Variants in RAP1GAP2 observed in about 807,000 individuals in gnomAD.
RAP1GAP2 encodes the protein RAP1 GTPase activating protein 2.
RAP1GAP2 carries 27 observed loss-of-function variants against 95.0 expected under a neutral mutation model. The ratio of observed to expected loss-of-function variants is 0.28; its 90% CI spans 0.21 to 0.39. RAP1GAP2 has a LOEUF of 0.39. Ranked by LOEUF, RAP1GAP2 falls within the 10% of genes least tolerant of loss-of-function variation. The pLI is 1.00. For synonymous variants in RAP1GAP2, 373 were observed against 380.9 expected, an observed-to-expected ratio of 0.98 and a Z score of 0.24; for missense variants, 771 against 970.0, an observed-to-expected ratio of 0.79 and a Z score of 2.72.
intron 2 of RAP1GAP2, among the ~76,000 whole-genome samples, chr17:2,884,635 A>C (rs759266511): frequency 6.6e-6 from 1 of 151,972 alleles, no homozygotes; most frequent in Non-Finnish European, 1.5e-5. Context: ...CGGCCTCCCA[A>C]AATCCTGGGA....
chr17:2,917,928 C>T (rs2042622672), intron 3 of RAP1GAP2, among the ~76,000 whole-genome samples: 1 of 152,000 alleles, frequency 6.6e-6, no homozygotes, highest in Admixed American at 6.6e-5. Context: ...GTTGGCCAGG[C>T]TGGTGTCAAA....
chr17:2,894,018 G>A (rs2151703708), intron 2 of RAP1GAP2, among the ~76,000 whole-genome samples: 1 of 152,338 alleles, frequency 6.6e-6, no homozygotes, highest in South Asian at 2.1e-4. Flanking sequence ...GCTCATGTCT[G>A]TGATCCCAGC....
chr17:2,755,689 G>C (rs1256722703), upstream of RAP1GAP2: 1 of 304,114 alleles, frequency 3.3e-6, no homozygotes, highest in Non-Finnish European at 6.0e-6. Context: ...CGTGCGGCCC[G>C]CGGAGGGCAG....
At chr17:2,788,668 A>G (rs2068848477) in intron 1 of RAP1GAP2, among the ~76,000 whole-genome samples, 1 of 152,158 alleles carries the variant, frequency 6.6e-6, no homozygotes, top group South Asian at 2.1e-4. Flanking sequence ...TTAGCTGGGG[A>G]TCCAGGAAAG....
At chr17:2,911,577 C>T (rs2042383669) in intron 3 of RAP1GAP2, among the ~76,000 whole-genome samples, 1 of 151,872 alleles carries the variant, frequency 6.6e-6, no homozygotes. Flanking sequence ...CTGCCGTCTA[C>T]AGGGGCCCTG....
At chr17:2,930,854 T>C (rs2043120541) in intron 3 of RAP1GAP2, among the ~76,000 whole-genome samples, 1 of 152,162 alleles carries the variant, frequency 6.6e-6, no homozygotes, top group African/African-American at 2.4e-5. Context: ...CTGGGCGTGG[T>C]GGCTCACGCC....
At chr17:2,875,107 C>T (rs2073035400) in intron 2 of RAP1GAP2, among the ~76,000 whole-genome samples, 1 of 152,176 alleles carries the variant, frequency 6.6e-6, no homozygotes, top group African/African-American at 2.4e-5. Context: ...GCTCTTGACG[C>T]CCAGGCTAGA....
chr17:2,858,139 T>A (rs2072224760), intron 2 of RAP1GAP2, among the ~76,000 whole-genome samples: 1 of 152,198 alleles, frequency 6.6e-6, no homozygotes, highest in Middle Eastern at 3.2e-3. Flanking sequence ...ATAAAGTCAC[T>A]GTGGCCTTGG....
intron 8 of RAP1GAP2, among the ~76,000 whole-genome samples, chr17:2,977,892 A>C (rs1335662786): frequency 6.6e-6 from 1 of 152,188 alleles, no homozygotes; most frequent in Non-Finnish European, 1.5e-5. Flanking sequence ...GAGCTGTGAA[A>C]ATCTAAATAA....
intron 3 of RAP1GAP2, among the ~76,000 whole-genome samples, chr17:2,944,291 C>T (rs546176658): frequency 5.9e-5 from 9 of 151,354 alleles, no homozygotes; most frequent in Non-Finnish European, 1.0e-4. Flanking sequence ...GGAAACAGCA[C>T]GGAGATTGCT....
intron 1 of RAP1GAP2, among the ~76,000 whole-genome samples, chr17:2,785,919 T>TTA (rs374525671): frequency 1.3e-5 from 2 of 150,796 alleles, no homozygotes; most frequent in South Asian, 2.1e-4. Context: ...TTTTTTTTTT[T>TTA]AGACAGAGAT....
chr17:2,806,998 A>G (rs1381014320), intron 2 of RAP1GAP2, among the ~76,000 whole-genome samples: 1 of 151,626 alleles, frequency 6.6e-6, no homozygotes, highest in African/African-American at 2.4e-5. Context: ...ACAACCCTTT[A>G]AACTCAGGCT....
At chr17:2,798,004 C>G (rs2069144296) in intron 1 of RAP1GAP2, among the ~76,000 whole-genome samples, 1 of 152,198 alleles carries the variant, frequency 6.6e-6, no homozygotes. Context: ...ATATGAAGCC[C>G]TCTGTGTTGA....
intron 12 of RAP1GAP2, among the ~76,000 whole-genome samples, chr17:2,992,445 C>A (rs2045796109): frequency 6.6e-6 from 1 of 152,168 alleles, no homozygotes; most frequent in South Asian, 2.1e-4. Context: ...CAGGCGTGAG[C>A]CACCGTGCCT....
At chr17:2,781,274 G>T (rs1456628667) in intron 1 of RAP1GAP2, among the ~76,000 whole-genome samples, 1 of 152,254 alleles carries the variant, frequency 6.6e-6, no homozygotes, top group East Asian at 1.9e-4. Flanking sequence ...GCAGGCATGG[G>T]CACTTGGGGG....
chr17:3,035,609 T>G lies in RAP1GAP2; in HGVS notation c.*2248T>G, dbSNP rs1301251530. 6.6e-6 allele frequency: 1 copy of G among 152,400 alleles called. No homozygotes were observed. 9.4% of individuals were successfully genotyped at this position (152,400 alleles called of 1,614,324 possible). A position where few individuals can be genotyped will look rare whatever the true frequency, so the allele number is the denominator to read the frequency against. ...TGCCCGGTTTGCTGTTGGAATGATC[T>G]GAACAGGACCCCAAATGCCTCTTCC... is the stretch of plus-strand genomic sequence containing the variant. On this transcript the variant is annotated 3_prime_UTR_variant, in exon 25 of 25. Transcript: ENST00000254695. The surrounding 1 kb of genome is among the most constrained non-coding windows in gnomAD (Gnocchi z 4.3).
intron 1 of RAP1GAP2, among the ~76,000 whole-genome samples, chr17:2,778,098 C>G (rs2068549740): frequency 6.7e-6 from 1 of 149,630 alleles, no homozygotes; most frequent in Non-Finnish European, 1.5e-5. Flanking sequence ...AAAGTCCCAG[C>G]ACATCTTCTC....
chr17:2,916,031 G>T (rs2042556973), intron 3 of RAP1GAP2, among the ~76,000 whole-genome samples: 1 of 152,154 alleles, frequency 6.6e-6, no homozygotes, highest in Admixed American at 6.6e-5. Flanking sequence ...CTAGGTCTAG[G>T]ATAAACTTGT....
intron 1 of RAP1GAP2, among the ~76,000 whole-genome samples, chr17:2,767,169 C>A (rs1242022612): frequency 6.6e-6 from 1 of 151,674 alleles, no homozygotes; most frequent in African/African-American, 2.4e-5. Flanking sequence ...CGAGACCAGC[C>A]TGGCCAAGGT....
Sources: gnomAD v4.1 joint callset for allele counts (sites outside exome capture counted in the v4.1 genomes callset) on GRCh38, gnomAD v4.1.1 for gene constraint, Gnocchi (gnomAD v3.1) non-coding constraint, MANE v1.5 for transcripts, NCBI Gene and HGNC (gene_info 2026-07-23, HGNC 2026-07-21) for gene names.